The following SPG11 variants were observed in gnomAD, a reference collection of about 807,000 sequenced individuals.
SPG11 encodes the protein SPG11 vesicle trafficking associated, spatacsin.
Under a neutral mutation model 274.0 loss-of-function variants are expected in SPG11, and 222 were observed. That is an observed-to-expected ratio of 0.81 (90% CI 0.73 to 0.91). The LOEUF (loss-of-function observed/expected upper bound fraction) is 0.91. Ranked by LOEUF, SPG11 falls within the 40% of genes least tolerant of loss-of-function variation. SPG11 has a pLI of 0.00. For missense variants in SPG11, 3,114 were observed against 2,872.7 expected (o/e 1.08, Z -1.92); for synonymous variants, 1,144 against 1,039.7 (o/e 1.10, Z -1.93).
intron 4 of SPG11, among the ~76,000 whole-genome samples, chr15:44,653,076 G>C (rs2141110783): frequency 6.6e-6 from 1 of 152,248 alleles, no homozygotes; most frequent in South Asian, 2.1e-4. Flanking sequence ...AACAAAGAAG[G>C]CTAGGGTGGC....
chr15:44,615,691 T>C lies in SPG11; in HGVS notation c.2835-125A>G, dbSNP rs573456953. 1,663 of 849,194 alleles carry C rather than the reference T, an allele frequency of 2.0e-3. 6 individuals are homozygous for C. The highest frequency in any genetic ancestry group is 2.9e-3 in the Non-Finnish European group (1,511 of 521,860). The allele number at this position is 849,194 out of a possible 1,614,324, so 52.6% of individuals were successfully genotyped here. A position where few individuals can be genotyped will look rare whatever the true frequency, so the allele number is the denominator to read the frequency against. On this transcript the variant is annotated intron_variant, in intron 15 of 39. Transcript: ENST00000261866. ...ATTTACAAATTAATGCTGCCAGTTCTTACTCTATATGTTCTCAGACACATT... is the reference window on the plus strand; with the variant it reads ...ATTTACAAATTAATGCTGCCAGTTCCTACTCTATATGTTCTCAGACACATT...
intron 12 of SPG11, 75 bp downstream of exon 12, chr15:44,622,653 T>C: frequency 8.1e-7 from 1 of 1,230,828 alleles, no homozygotes; most frequent in Non-Finnish European, 1.2e-6. Flanking sequence ...AAGGTTTTTC[T>C]TCCAAGGTTT....
At chr15:44,587,693 C>CAAAAAAAAAAAAAAAA (rs34479385) in intron 28 of SPG11, among the ~76,000 whole-genome samples, 1 of 34,054 alleles carries the variant, frequency 2.9e-5, no homozygotes, top group African/African-American at 1.8e-4. Context: ...CAGACTGTCT[C>CAAAAAAAAAAAAAAAA]AAAAAAAAAA....
In SPG11 at chr15:44,610,875, C is replaced by T; in HGVS notation, c.3256G>A (p.Ala1086Thr). ...CCCCCAGGAGAATACATTGTAGTAG[C>T]AAGGGCCAGGAGGGTATGTCCTTCC... ...LLEGHTLLALATTMYSPGGVS... is the reference protein window; with the variant it reads ...LLEGHTLLALTTTMYSPGGVS... Residue 1086 changes from alanine (A) to threonine (T), a missense_variant, in exon 18 of 40, where the codon GCT becomes ACT. Transcript: ENST00000261866. 1 of 1,613,946 alleles carries T rather than the reference C, an allele frequency of 6.2e-7. No homozygotes were observed. The highest frequency in any genetic ancestry group is 8.5e-7 in the Non-Finnish European group (1 of 1,179,978).
chr15:44,610,076 T>C (rs1374734037), intron 18 of SPG11, among the ~76,000 whole-genome samples: 1 of 151,878 alleles, frequency 6.6e-6, no homozygotes, highest in Non-Finnish European at 1.5e-5. Context: ...CTAGTTTTTG[T>C]ATTTTTAGTA....
At chr15:44,624,221 C>T (rs2141032850) in intron 11 of SPG11, among the ~76,000 whole-genome samples, 1 of 151,576 alleles carries the variant, frequency 6.6e-6, no homozygotes, top group Non-Finnish European at 1.5e-5. Flanking sequence ...AGTATGTTGG[C>T]TCATGCCTAT....
Position 44,596,341 on chromosome 15 carries a change from G to C in SPG11, c.4176C>G (p.Ile1392Met), listed in dbSNP as rs1567148884. Reference protein sequence around the residue: ...NYHPAEVKSLIQYFSPVIQDH... With the variant: ...NYHPAEVKSLMQYFSPVIQDH... ...CTTGAATGACTGGGCTGAAGTACTGGATAAGGGATTTCACCTAGAAGGCAT... is the reference window on the plus strand; with the variant it reads ...CTTGAATGACTGGGCTGAAGTACTGCATAAGGGATTTCACCTAGAAGGCAT... Residue 1392 changes from isoleucine (I) to methionine (M), a missense_variant, in exon 25 of 40, where the codon ATC becomes ATG. Ile to Met is a conservative substitution (Grantham distance 10). Transcript: ENST00000261866. The C allele has an allele frequency of 6.2e-7, 1 of 1,614,096 alleles. No individual in the cohort carries two copies.
intron 27 of SPG11, among the ~76,000 whole-genome samples, chr15:44,591,217 A>T (rs1248486112): frequency 1.3e-5 from 2 of 152,252 alleles, no homozygotes; most frequent in African/African-American, 4.8e-5. Flanking sequence ...ATGAGAAAGA[A>T]CACTGGTAGT....
chr15:44,646,715 C>G lies in SPG11; in HGVS notation c.1602+2151G>C, dbSNP rs953454048. Among the ~76,000 whole-genome samples the G allele has an allele frequency of 2.0e-5, 3 of 152,150 alleles. 1 individual carries two copies. The highest frequency in any genetic ancestry group is 4.4e-5 in the Non-Finnish European group (3 of 68,028). On this transcript the variant is annotated intron_variant, in intron 7 of 39. Transcript: ENST00000261866. ...GCTAGAGGCCATTATCCTAAGTGAA[C>G]TAATGCAGGAACAGAAAATCAGATA...
intron 30 of SPG11, among the ~76,000 whole-genome samples, chr15:44,579,154 T>A (rs1332095574): frequency 6.6e-6 from 1 of 150,682 alleles, no homozygotes; most frequent in Non-Finnish European, 1.5e-5. Context: ...TGAGACTCCA[T>A]CTCGAAAAAC....
Position 44,594,350 on chromosome 15 carries a change from C to T in SPG11, c.4635+909G>A, listed in dbSNP as rs188048253. ...CTGAGGCAGGAGAATTGCTTGAACT[C>T]GGGAGGCGGAGGTTGCAGTGAGCCG... On this transcript the variant is annotated intron_variant, in intron 26 of 39. Transcript: ENST00000261866. 7.9e-3 allele frequency among the ~76,000 whole-genome samples: 1,201 copies of T among 151,484 alleles called. 16 individuals are homozygous for T. The highest frequency in any genetic ancestry group is 0.025 in the African/African-American group (1,032 of 41,346).
intron 34 of SPG11, among the ~76,000 whole-genome samples, chr15:44,569,760 A>G (rs1430990814): frequency 4.2e-5 from 6 of 142,694 alleles, no homozygotes; most frequent in Non-Finnish European, 7.5e-5. Context: ...TCTGTCACCC[A>G]GGCTGGAGTG....
At chr15:44,569,556 C>G in intron 34 of SPG11, 51 bp from the exon 35 acceptor site, 1 of 1,383,370 alleles carries the variant, frequency 7.2e-7, no homozygotes, top group Non-Finnish European at 1.0e-6. Context: ...GTCTGGAGTT[C>G]TCTGAGCCAG....
intron 6 of SPG11, 49 bp from the exon 7 acceptor site, chr15:44,649,060 GATT>G: frequency 6.8e-7 from 1 of 1,480,552 alleles, no homozygotes; most frequent in Non-Finnish European, 9.4e-7. Context: ...TAGATTTTAG[GATT>G]ATGATTTAGG....
At chr15:44,604,744 C>T (rs1160262498) in intron 20 of SPG11, among the ~76,000 whole-genome samples, 13 of 151,694 alleles carry the variant, frequency 8.6e-5, no homozygotes, top group East Asian at 1.9e-4. Context: ...CTGGCTAACA[C>T]GGTGAAACCC....
Position 44,622,795 on chromosome 15 carries a change from A to G in SPG11, c.2249T>C (p.Phe750Ser). ...CTTGAGCAATTGGCCTTTTACATCA[A>G]ACCCCTAAAATAAACATAGAAAACC... ...EASELLKNMGFDVKGQLLKIC... is the reference protein window; with the variant it reads ...EASELLKNMGSDVKGQLLKIC... The change falls in exon 12 of 40, where the codon TTT (phenylalanine) becomes TCT (serine). Residue 750 changes from phenylalanine (F) to serine (S), a missense_variant. Physicochemically the swap from Phe to Ser is radical, Grantham distance 155. Transcript: ENST00000261866. The G allele has an allele frequency of 6.2e-7, 1 of 1,613,368 alleles. No individual in the cohort carries two copies. Among genetic ancestry groups the G allele is most frequent in the Non-Finnish European group, 8.5e-7 (1 of 1,179,404 alleles).
At chr15:44,592,482 A>T (rs767354125) in intron 26 of SPG11, 44 bp from the exon 27 acceptor site, 1 of 1,147,150 alleles carries the variant, frequency 8.7e-7, no homozygotes, top group South Asian at 1.2e-5. Flanking sequence ...TTTGAACTTA[A>T]TATTTTTTCA....
intron 17 of SPG11, among the ~76,000 whole-genome samples, chr15:44,613,045 A>C (rs2083500209): frequency 6.6e-6 from 1 of 152,210 alleles, no homozygotes; most frequent in African/African-American, 2.4e-5. Flanking sequence ...TTTTAACTCC[A>C]TTTGGAGTTC....
intron 15 of SPG11, 121 bp from the exon 16 acceptor site, chr15:44,615,687 G>T: frequency 1.1e-6 from 1 of 873,920 alleles, no homozygotes; most frequent in Non-Finnish European, 1.8e-6. Flanking sequence ...AATGCTGCCA[G>T]TTCTTACTCT....
Sources: allele counts gnomAD v4.1 joint callset (sites outside exome capture counted in the v4.1 genomes callset), GRCh38; gene constraint gnomAD v4.1.1; transcripts MANE v1.5; gene names NCBI Gene and HGNC (gene_info 2026-07-23, HGNC 2026-07-21).